The following CSNK2A2IP variants were observed in gnomAD, a reference collection of about 807,000 sequenced individuals.
CSNK2A2IP encodes the protein casein kinase II subunit alpha'-interacting protein.
chr3:88,404,562 G>A, the CSNK2A2IP span, among the ~76,000 whole-genome samples: 4 of 151,844 alleles, frequency 2.6e-5, no homozygotes, highest in African/African-American at 7.3e-5. Context: ...CCCTCTTTAA[G>A]CCTCAGTCTT....
chr3:88,455,127 T>C, the CSNK2A2IP span, among the ~76,000 whole-genome samples: 1 of 151,942 alleles, frequency 6.6e-6, no homozygotes, highest in Non-Finnish European at 1.5e-5. Context: ...ATTTTCTCTA[T>C]ACATTCATCT....
At chr3:88,386,708 G>GA in the CSNK2A2IP span, among the ~76,000 whole-genome samples, 1 of 152,200 alleles carries the variant, frequency 6.6e-6, no homozygotes, top group Non-Finnish European at 1.5e-5. Flanking sequence ...TGGAATGGAA[G>GA]AAAAACATGT....
At chr3:88,465,512 A>C in the CSNK2A2IP span, 1 of 1,231,696 alleles carries the variant, frequency 8.1e-7, no homozygotes, top group East Asian at 3.2e-5. Flanking sequence ...CATAGCAATC[A>C]CTTTGCAGTA....
chr3:88,399,098 A>C, the CSNK2A2IP span, among the ~76,000 whole-genome samples: 38 of 152,308 alleles, frequency 2.5e-4, no homozygotes, highest in East Asian at 2.7e-3. Context: ...TAGGACATGA[A>C]CATTGATATA....
chr3:88,396,161 G>A, the CSNK2A2IP span, among the ~76,000 whole-genome samples: 58 of 143,426 alleles, frequency 4.0e-4, 1 homozygote, highest in South Asian at 2.2e-3. Context: ...CTGGAGTGCA[G>A]TGGCGCAATC....
chr3:88,355,395 A>G, the CSNK2A2IP span, among the ~76,000 whole-genome samples: 1 of 152,078 alleles, frequency 6.6e-6, no homozygotes, highest in East Asian at 1.9e-4. Context: ...AGTCTGCACT[A>G]TAAAATAATC....
chr3:88,465,464 A>T, the CSNK2A2IP span: 2 of 1,231,590 alleles, frequency 1.6e-6, no homozygotes, highest in African/African-American at 1.6e-5. Context: ...GAAAAACTAA[A>T]TCAATTCAAT....
the CSNK2A2IP span, among the ~76,000 whole-genome samples, chr3:88,411,724 A>C: frequency 8.6e-5 from 13 of 151,904 alleles, no homozygotes; most frequent in East Asian, 2.5e-3. Context: ...AATATATGCT[A>C]AATACTGCTG....
At chr3:88,365,963 T>C in the CSNK2A2IP span, among the ~76,000 whole-genome samples, 1 of 152,180 alleles carries the variant, frequency 6.6e-6, no homozygotes, top group Non-Finnish European at 1.5e-5. Flanking sequence ...ACTTAAATTT[T>C]CTGATGAGGA....
the CSNK2A2IP span, among the ~76,000 whole-genome samples, chr3:88,350,600 G>GAAA: frequency 2.7e-5 from 3 of 111,466 alleles, no homozygotes; most frequent in East Asian, 2.1e-4. Flanking sequence ...CAAAGATGAT[G>GAAA]AAAAAAAAAA....
At chr3:88,459,856 C>T in the CSNK2A2IP span, among the ~76,000 whole-genome samples, 1 of 151,884 alleles carries the variant, frequency 6.6e-6, no homozygotes, top group African/African-American at 2.4e-5. Context: ...AATATAACAT[C>T]ATTGTTTTTT....
At chr3:88,390,186 AT>A in the CSNK2A2IP span, among the ~76,000 whole-genome samples, 1 of 152,122 alleles carries the variant, frequency 6.6e-6, no homozygotes, top group Non-Finnish European at 1.5e-5. Context: ...TAAGCTCAAA[AT>A]TGTTACAATA....
chr3:88,363,986 T>C, the CSNK2A2IP span, among the ~76,000 whole-genome samples: 2 of 152,176 alleles, frequency 1.3e-5, no homozygotes, highest in African/African-American at 2.4e-5. Context: ...AGATCCTTTG[T>C]GGATTTTCCA....
the CSNK2A2IP span, among the ~76,000 whole-genome samples, chr3:88,356,245 C>T: frequency 1.3e-5 from 2 of 152,072 alleles, no homozygotes; most frequent in Non-Finnish European, 2.9e-5. Context: ...TAACCCCTGC[C>T]TGTCCACCAC....
the CSNK2A2IP span, among the ~76,000 whole-genome samples, chr3:88,393,956 C>T: frequency 1.3e-5 from 2 of 152,042 alleles, no homozygotes; most frequent in Admixed American, 1.3e-4. Flanking sequence ...CTGAAAGCAG[C>T]GCTAGGGGAC....
the CSNK2A2IP span, among the ~76,000 whole-genome samples, chr3:88,364,982 A>T: frequency 6.6e-6 from 1 of 152,192 alleles, no homozygotes; most frequent in African/African-American, 2.4e-5. Flanking sequence ...TGCAGTTATG[A>T]GTATCTGCTA....
the CSNK2A2IP span, among the ~76,000 whole-genome samples, chr3:88,384,797 G>T: frequency 6.6e-6 from 1 of 152,146 alleles, no homozygotes; most frequent in Non-Finnish European, 1.5e-5. Flanking sequence ...AGAAACAAGA[G>T]AAGTGGGCAG....
At chr3:88,361,726 T>A in the CSNK2A2IP span, among the ~76,000 whole-genome samples, 2 of 152,142 alleles carry the variant, frequency 1.3e-5, no homozygotes, top group Non-Finnish European at 2.9e-5. Flanking sequence ...GATCTTTTAC[T>A]TTACCTCCTC....
At chr3:88,383,950 A>G in the CSNK2A2IP span, among the ~76,000 whole-genome samples, 5 of 152,178 alleles carry the variant, frequency 3.3e-5, no homozygotes, top group African/African-American at 1.2e-4. Flanking sequence ...GGCATAAGCC[A>G]CTGCGCCGGG....
Sources: gnomAD v4.1 joint callset for allele counts (sites outside exome capture counted in the v4.1 genomes callset) on GRCh38, gnomAD v4.1.1 for gene constraint, MANE v1.5 for transcripts, NCBI Gene and HGNC (gene_info 2026-07-23, HGNC 2026-07-21) for gene names.